Variants in UNC5D observed in about 807,000 individuals in gnomAD.
UNC5D encodes the protein netrin receptor UNC5D.
A neutral mutation model predicts 105.4 loss-of-function variants in UNC5D; 39 were observed. That is an observed-to-expected ratio of 0.37 (90% CI 0.29 to 0.48). The LOEUF is 0.48. Among genes scored for constraint, UNC5D ranks in the 20% least tolerant of loss-of-function variants. The probability of loss-of-function intolerance (pLI) is 0.98; values close to 1 mark genes in which losing one functional copy is unlikely to be tolerated. For missense variants in UNC5D, 991 were observed against 1,202.4 expected (o/e 0.82, Z 2.60); for synonymous variants, 452 against 450.4 (o/e 1.00, Z -0.04).
chr8:35,789,893 A>ACACACACAC (rs879701613), intron 16 of UNC5D, among the ~76,000 whole-genome samples: 24 of 130,916 alleles, frequency 1.8e-4, no homozygotes, highest in African/African-American at 7.9e-4. Flanking sequence ...AGTCAAGAAG[A>ACACACACAC]AAACACACAC....
chr8:35,406,978 A>G (rs1009016491), intron 1 of UNC5D, among the ~76,000 whole-genome samples: 4 of 152,174 alleles, frequency 2.6e-5, no homozygotes, highest in Admixed American at 6.5e-5. Context: ...ACTATCATGT[A>G]CAGACATGCC....
intron 1 of UNC5D, among the ~76,000 whole-genome samples, chr8:35,457,500 A>G (rs945344820): frequency 6.6e-6 from 1 of 152,196 alleles, no homozygotes; most frequent in Admixed American, 6.5e-5. Context: ...ATAGGTACTG[A>G]TAACTTACCA....
intron 1 of UNC5D, among the ~76,000 whole-genome samples, chr8:35,456,353 G>A (rs1056966278): frequency 5.3e-5 from 8 of 152,148 alleles, no homozygotes; most frequent in African/African-American, 1.9e-4. Context: ...GGTTAGGAAT[G>A]GAGCTAAGAT....
intron 1 of UNC5D, among the ~76,000 whole-genome samples, chr8:35,485,423 T>A (rs1810761205): frequency 6.6e-6 from 1 of 152,204 alleles, no homozygotes; most frequent in Non-Finnish European, 1.5e-5. Context: ...CTGGCTTATA[T>A]CCTTAGTACG....
chr8:35,681,561 T>C (rs1825668169), intron 4 of UNC5D, among the ~76,000 whole-genome samples: 1 of 152,190 alleles, frequency 6.6e-6, no homozygotes. Flanking sequence ...ATAAAATTGG[T>C]TCCATTGCCC....
At chr8:35,296,790 T>A (rs926617447) in intron 1 of UNC5D, among the ~76,000 whole-genome samples, 3 of 152,222 alleles carry the variant, frequency 2.0e-5, no homozygotes, top group Non-Finnish European at 4.4e-5. Context: ...TAAAATATAT[T>A]GGTTGATTAC....
Position 35,235,723 on chromosome 8 carries a change from C to T in UNC5D, c.-62C>T. ...CCATTCGACTCGGGACCCTCATCGCCGACCCTTTCCCGGGCTCCCGGAGCG... is the reference window on the plus strand; with the variant it reads ...CCATTCGACTCGGGACCCTCATCGCTGACCCTTTCCCGGGCTCCCGGAGCG... On this transcript the variant is annotated 5_prime_UTR_variant, in exon 1 of 17. Transcript: ENST00000404895. The T allele has an allele frequency of 8.4e-7, 1 of 1,192,932 alleles. No homozygotes were observed. The highest frequency in any genetic ancestry group is 1.6e-5 in the African/African-American group (1 of 63,576). 73.9% of individuals were successfully genotyped at this position (1,192,932 alleles called of 1,614,324 possible).
intron 1 of UNC5D, among the ~76,000 whole-genome samples, chr8:35,400,397 C>T (rs530824883): frequency 7.2e-5 from 11 of 152,160 alleles, no homozygotes; most frequent in Admixed American, 1.3e-4. Flanking sequence ...TAGATATTTT[C>T]CCATTGGGCT....
rs372014118 is a variant in UNC5D, at chr8:35,686,591, A to G, written c.966A>G (p.Pro322=). 1 of 1,605,718 alleles carries G rather than the reference A, an allele frequency of 6.2e-7. No homozygotes were observed. Among genetic ancestry groups the G allele is most frequent in the Non-Finnish European group, 8.5e-7 (1 of 1,177,738 alleles). Reference sequence around the variant, plus strand: ...GGAGCGAATGGTCCGTCTGCAGTCCAGAGTGTGAACATTTGCGGATCCGGG... The same window carrying G: ...GGAGCGAATGGTCCGTCTGCAGTCCGGAGTGTGAACATTTGCGGATCCGGG... ...EVWSEWSVCS[P]ECEHLRIREC... Residue 322 remains proline (P), a synonymous_variant, in exon 7 of 17, where the codon CCA becomes CCG. Coordinates refer to ENST00000404895, the MANE Select transcript of UNC5D (RefSeq NM_080872.4).
At chr8:35,389,890 A>G (rs763014335) in intron 1 of UNC5D, among the ~76,000 whole-genome samples, 1 of 152,254 alleles carries the variant, frequency 6.6e-6, no homozygotes, top group Non-Finnish European at 1.5e-5. Flanking sequence ...AGGCAACAGA[A>G]GATATCCACC....
chr8:35,478,488 A>G (rs1810263749), intron 1 of UNC5D, among the ~76,000 whole-genome samples: 2 of 152,304 alleles, frequency 1.3e-5, no homozygotes, highest in South Asian at 2.1e-4. Context: ...AGCTTTACAT[A>G]TCTATTCTCA....
At chr8:35,260,481 T>TA (rs1804409829) in intron 1 of UNC5D, among the ~76,000 whole-genome samples, 1 of 152,186 alleles carries the variant, frequency 6.6e-6, no homozygotes, top group South Asian at 2.1e-4. Context: ...TTATTGTTGT[T>TA]GTTGTTTGAG....
chr8:35,352,125 G>A (rs1812280780), intron 1 of UNC5D, among the ~76,000 whole-genome samples: 1 of 151,968 alleles, frequency 6.6e-6, no homozygotes, highest in African/African-American at 2.4e-5. Flanking sequence ...ATTCCATTAA[G>A]AGATAAGAAA....
chr8:35,368,850 A>C (rs1802278291), intron 1 of UNC5D, among the ~76,000 whole-genome samples: 1 of 152,052 alleles, frequency 6.6e-6, no homozygotes, highest in Non-Finnish European at 1.5e-5. Flanking sequence ...AGGCCATGTA[A>C]GGACACAGTA....
chr8:35,747,590 T>C (rs1830067548), intron 11 of UNC5D, among the ~76,000 whole-genome samples: 4 of 152,138 alleles, frequency 2.6e-5, no homozygotes, highest in Non-Finnish European at 5.9e-5. Flanking sequence ...AAACAAAGGA[T>C]CAAATAGCTT....
intron 1 of UNC5D, among the ~76,000 whole-genome samples, chr8:35,454,840 A>G (rs1321838022): frequency 6.6e-6 from 1 of 152,114 alleles, no homozygotes; most frequent in African/African-American, 2.4e-5. Context: ...TAAAGGAAAA[A>G]ATTTTCCTAT....
rs538977563 is a variant in UNC5D at position 35,712,868 on chromosome 8, C to A, written c.1117+6907C>A. 2.0e-5 allele frequency among the ~76,000 whole-genome samples: 3 copies of A among 152,314 alleles called. No individual in the cohort carries two copies. The East Asian group carries it at 5.8e-4, about 29-fold the overall frequency. On this transcript the variant is annotated intron_variant, in intron 8 of 16. Coordinates refer to ENST00000404895, the MANE Select transcript of UNC5D (RefSeq NM_080872.4). ...GGCTACTGGCATTGAAGCTGATGCT[C>A]TAACCACTGTCTCAAACTCTTTTTT...
In UNC5D at chr8:35,471,259, G is replaced by A. The variant is rs543214537; in HGVS notation, c.104-78033G>A. ...TAAGATCCAAGTAGTAACTATACCA[G>A]GAGATTCCTTGAGCAAATGAATATC... On this transcript the variant is annotated intron_variant, in intron 1 of 16. Transcript: ENST00000404895. Among the ~76,000 whole-genome samples the A allele has an allele frequency of 3.9e-5, 6 of 152,196 alleles. No homozygotes were observed. In the South Asian group the frequency reaches 1.2e-3, roughly 32 times the overall value.
At chr8:35,501,328 G>C (rs958797011) in intron 1 of UNC5D, among the ~76,000 whole-genome samples, 10 of 152,212 alleles carry the variant, frequency 6.6e-5, no homozygotes, top group African/African-American at 2.4e-4. Context: ...ACATGTTTGT[G>C]CCCTAGTTGT....
Sources: allele counts gnomAD v4.1 joint callset (sites outside exome capture counted in the v4.1 genomes callset), GRCh38; gene constraint gnomAD v4.1.1; transcripts MANE v1.5; gene names NCBI Gene and HGNC (gene_info 2026-07-23, HGNC 2026-07-21).